The following MYCBP variants were observed in gnomAD, a reference collection of about 807,000 sequenced individuals.
MYCBP encodes the protein MYC binding protein, also known as C-Myc-binding protein.
MYCBP carries 5 observed loss-of-function variants against 16.8 expected under a neutral mutation model. The observed-to-expected ratio is 0.30, with a 90% CI of 0.16 to 0.63. MYCBP has a LOEUF of 0.63. Ranked by LOEUF, MYCBP falls within the 20% of genes least tolerant of loss-of-function variation. The pLI, the probability that MYCBP is intolerant of heterozygous loss-of-function variation, is 0.83. For missense variants in MYCBP, 103 were observed against 121.8 expected (o/e 0.85, Z 0.73); for synonymous variants, 35 against 43.7 (o/e 0.80, Z 0.79).
In MYCBP at chr1:38,864,301, T is replaced by G. The variant is rs1489930890; in HGVS notation, c.*369A>C. 4.0e-6 allele frequency: 1 copy of G among 252,184 alleles called. No homozygotes were observed. The highest frequency in any genetic ancestry group is 7.8e-6 in the Non-Finnish European group (1 of 128,770). 15.6% of individuals were successfully genotyped at this position (252,184 alleles called of 1,614,324 possible). A position where few individuals can be genotyped will look rare whatever the true frequency, so the allele number is the denominator to read the frequency against. On this transcript the variant is annotated 3_prime_UTR_variant, in exon 5 of 5. Transcript: ENST00000397572. ...ACAGAACAGTGTCACCTTCAAAGAA[T>G]GACTGTACCTGTGTTCATATCCTGA...
At position 38,873,337 on chromosome 1, in the gene MYCBP, G is replaced by A. The variant is rs1239698072; in HGVS notation, c.-32C>T. The A allele has an allele frequency of 6.3e-7, 1 of 1,598,622 alleles. No individual in the cohort carries two copies. Among genetic ancestry groups the A allele is most frequent in the African/African-American group, 1.3e-5 (1 of 74,860 alleles). ...AGCGGCAGCGGCGTAGCTGGCGCCG[G>A]AGACCGCGACTGGCGGGTTGGGAGC... On this transcript the variant is annotated 5_prime_UTR_variant, in exon 1 of 5. Coordinates refer to ENST00000397572, the MANE Select transcript of MYCBP (RefSeq NM_012333.5).
At chr1:38,865,861 C>T (rs569665839) in intron 4 of MYCBP, among the ~76,000 whole-genome samples, 234 of 151,972 alleles carry the variant, frequency 1.5e-3, no homozygotes, top group South Asian at 5.8e-3. Context: ...TACAGAGGGC[C>T]GCTACATATG....
chr1:38,867,898 G>A (rs373649366), intron 2 of MYCBP, among the ~76,000 whole-genome samples: 15 of 152,316 alleles, frequency 9.8e-5, no homozygotes, highest in African/African-American at 3.6e-4. Context: ...ATCAGGGAAG[G>A]CTTCCTAAAG....
At chr1:38,873,374 T>A (rs1642512530), upstream of MYCBP, 1 of 1,560,920 alleles carries the variant, frequency 6.4e-7, no homozygotes. Flanking sequence ...GCACTGCTCA[T>A]GCGCGGAAGG....
intron 4 of MYCBP, among the ~76,000 whole-genome samples, chr1:38,866,371 T>C (rs1301619781): frequency 6.6e-6 from 1 of 151,180 alleles, no homozygotes; most frequent in Non-Finnish European, 1.5e-5. Context: ...GACCACACTT[T>C]GCTTCTTTGC....
rs752250724 is a variant in MYCBP at position 38,873,074 on chromosome 1, C to T, written c.32G>A (p.Arg11His). The change falls in exon 2 of 5, where the codon CGT becomes CAT. Residue 11 changes from arginine to histidine, a missense_variant. By Grantham distance (29) the Arg-to-His change is conservative. Coordinates refer to ENST00000397572, the MANE Select transcript of MYCBP (RefSeq NM_012333.5). Reference protein sequence around the residue: MAHYKAADSKREQFRRYLEKS... With the variant: MAHYKAADSKHEQFRRYLEKS... ...CTCCAAGTACCTCCGGAACTGCTCA[C>T]GCTTCGAGTCGGCGGCCTGAAGAGA... 4 of 1,563,782 alleles carry T rather than the reference C, an allele frequency of 2.6e-6. No homozygotes were observed. In the East Asian group the frequency reaches 7.2e-5, roughly 28 times the overall value.
chr1:38,872,904 C>T, intron 2 of MYCBP, 114 bp downstream of exon 2: 3 of 1,256,410 alleles, frequency 2.4e-6, no homozygotes, highest in Admixed American at 2.3e-5. Context: ...CGCTGGACCC[C>T]GGACGGGCCC....
In MYCBP at chr1:38,867,619, CAAAAAGCAG is replaced by C; in HGVS notation, c.89-18_89-10del. The C allele has an allele frequency of 6.2e-7, 1 of 1,612,938 alleles. No individual in the cohort carries two copies. The highest frequency in any genetic ancestry group is 1.1e-5 in the South Asian group (1 of 90,938). ...ATATAAGGCTACCAACACTGCAAAT[CAAAAAGCAG>C]AAAAAGCAACAATTGACGTATTAAA... On this transcript the variant is annotated splice_polypyrimidine_tract_variant and intron_variant, in intron 2 of 4. Coordinates refer to ENST00000397572, the MANE Select transcript of MYCBP (RefSeq NM_012333.5).
rs887744987 is a variant in MYCBP at position 38,863,537 on chromosome 1, TAC to T, written c.*1131_*1132del. The T allele has an allele frequency of 6.6e-5, 10 of 152,616 alleles. No homozygotes were observed. The highest frequency in any genetic ancestry group is 1.0e-4 in the Non-Finnish European group (7 of 68,050). The allele number at this position is 152,616 out of a possible 1,614,324, so 9.5% of individuals were successfully genotyped here. ...CTTTACCATTTACAAATCTTTCACA[TAC>T]ATTCTCATTTGACCCTCACAACAAC... On this transcript the variant is annotated 3_prime_UTR_variant, in exon 5 of 5. Transcript: ENST00000397572.
At chr1:38,872,120 T>C (rs981177294) in intron 2 of MYCBP, among the ~76,000 whole-genome samples, 6 of 152,218 alleles carry the variant, frequency 3.9e-5, no homozygotes, top group African/African-American at 1.4e-4. Flanking sequence ...CTCCTAGAAT[T>C]TTCCTCTAAA....
intron 3 of MYCBP, among the ~76,000 whole-genome samples, chr1:38,867,352 C>G (rs1642363103): frequency 1.3e-5 from 2 of 150,842 alleles, no homozygotes; most frequent in African/African-American, 4.9e-5. Flanking sequence ...AGACGTGAGG[C>G]AGGAGAATCG....
At chr1:38,873,243 C>A in intron 1 of MYCBP, 48 bp downstream of exon 1, 1 of 1,595,084 alleles carries the variant, frequency 6.3e-7, no homozygotes. Flanking sequence ...AGCCGACCAG[C>A]GGCTTGCTAC....
chr1:38,871,564 C>T (rs968479782), intron 2 of MYCBP, among the ~76,000 whole-genome samples: 1 of 150,514 alleles, frequency 6.6e-6, no homozygotes, highest in Non-Finnish European at 1.5e-5. Context: ...TACAGGCACA[C>T]ACCATGCCCA....
Position 38,862,957 on chromosome 1 carries a change from GTCTC to G in MYCBP, c.*1709_*1712del, listed in dbSNP as rs1049471999. On this transcript the variant is annotated 3_prime_UTR_variant, in exon 5 of 5. Coordinates refer to ENST00000397572, the MANE Select transcript of MYCBP (RefSeq NM_012333.5). ...CTATCATACCAACTAAGGAAGCCAA[GTCTC>G]TCTCTCTTTCAAAACCCTCACGGGG... 2.6e-5 allele frequency: 4 copies of G among 152,176 alleles called. No individual in the cohort carries two copies. Among genetic ancestry groups the G allele is most frequent in the African/African-American group, 4.8e-5 (2 of 41,440 alleles). 9.4% of individuals were successfully genotyped at this position (152,176 alleles called of 1,614,324 possible).
chr1:38,869,897 G>A (rs551769767), intron 2 of MYCBP, among the ~76,000 whole-genome samples: 60 of 151,368 alleles, frequency 4.0e-4, no homozygotes, highest in African/African-American at 1.4e-3. Context: ...GGCCAGGCAT[G>A]ATGGCTCACG....
intron 4 of MYCBP, among the ~76,000 whole-genome samples, chr1:38,866,618 T>C (rs921627594): frequency 6.6e-6 from 1 of 151,734 alleles, no homozygotes; most frequent in Non-Finnish European, 1.5e-5. Context: ...GGTTTCACCA[T>C]GTTGACCAGG....
chr1:38,864,741 G>A (rs202141812), intron 4 of MYCBP, 27 bp from the exon 5 acceptor site: 99 of 1,608,608 alleles, frequency 6.2e-5, no homozygotes, highest in Non-Finnish European at 8.0e-5. Flanking sequence ...GAGGAATTTA[G>A]GTGAATTTTA....
At chr1:38,866,065 T>TTTTTTTTTA (rs1642329983) in intron 4 of MYCBP, among the ~76,000 whole-genome samples, 23 of 146,102 alleles carry the variant, frequency 1.6e-4, no homozygotes, top group Non-Finnish European at 2.2e-4. Flanking sequence ...TTTTTTTTTT[T>TTTTTTTTTA]GAGACAGAGT....
intron 2 of MYCBP, among the ~76,000 whole-genome samples, chr1:38,871,459 G>A (rs1311557843): frequency 1.5e-5 from 2 of 133,040 alleles, no homozygotes; most frequent in Non-Finnish European, 3.2e-5. Flanking sequence ...GAGACAGAGT[G>A]TCACTGTTGC....
Sources: gnomAD v4.1 joint callset for allele counts (sites outside exome capture counted in the v4.1 genomes callset) on GRCh38, gnomAD v4.1.1 for gene constraint, MANE v1.5 for transcripts, NCBI Gene and HGNC (gene_info 2026-07-23, HGNC 2026-07-21) for gene names.